TTC27: variants seen among roughly 807,000 people sequenced by gnomAD.
The protein encoded by TTC27 is tetratricopeptide repeat protein 27.
A neutral mutation model predicts 115.9 loss-of-function variants in TTC27; 79 were observed. That is an observed-to-expected ratio of 0.68 (90% CI 0.57 to 0.82). TTC27 has a LOEUF of 0.82. Among genes scored for constraint, TTC27 ranks in the 40% least tolerant of loss-of-function variants. The pLI is 0.00. For missense variants in TTC27, 1,054 were observed against 993.1 expected (o/e 1.06, Z -0.82); for synonymous variants, 401 against 356.0 (o/e 1.13, Z -1.42).
At chr2:32,642,040 A>G (rs1333137803) in intron 4 of TTC27, among the ~76,000 whole-genome samples, 1 of 151,770 alleles carries the variant, frequency 6.6e-6, no homozygotes, top group Admixed American at 6.6e-5. Context: ...TATTTTTAGT[A>G]GAGATGGGAT....
At chr2:32,643,900 C>T (rs990800998) in intron 4 of TTC27, among the ~76,000 whole-genome samples, 3 of 151,630 alleles carry the variant, frequency 2.0e-5, no homozygotes, top group Admixed American at 1.3e-4. Context: ...CCAGGCATCT[C>T]TGGGCATGGT....
chr2:32,784,008 A>C (rs1342007968), intron 15 of TTC27, among the ~76,000 whole-genome samples: 1 of 152,226 alleles, frequency 6.6e-6, no homozygotes, highest in East Asian at 1.9e-4. Context: ...TATCTGTTCT[A>C]CCATTCTCTT....
rs573285272 is a variant in TTC27 at position 32,665,824 on chromosome 2, G to A, written c.806-811G>A. Among the ~76,000 whole-genome samples the A allele has an allele frequency of 2.8e-4, 43 of 152,336 alleles. 1 individual carries two copies. In the South Asian group the frequency reaches 7.7e-3, roughly 27 times the overall value. On this transcript the variant is annotated intron_variant, in intron 6 of 19. Transcript: ENST00000317907. ...GAGATTTGCTTGAACCAGGGAGTCG[G>A]AGGTTGCAGTGAGCTGAGATCGCAC...
chr2:32,630,596 T>C lies in TTC27; in HGVS notation c.162T>C (p.Asn54=), dbSNP rs2151857181. 6.2e-7 allele frequency: 1 copy of C among 1,613,694 alleles called. No homozygotes were observed. Among genetic ancestry groups the C allele is most frequent in the South Asian group, 1.1e-5 (1 of 91,044 alleles). The change falls in exon 2 of 20, where the codon AAT becomes AAC. Residue 54 remains asparagine, a synonymous_variant. Transcript: ENST00000317907. ...EAIFLNSMTQ[N]IFNSTTTAEE... ...TATTCTTAAATTCAATGACTCAAAA[T>C]ATTTTTAATTCAACAACAACCGCTG...
At chr2:32,651,411 A>G (rs1665121353) in intron 5 of TTC27, among the ~76,000 whole-genome samples, 1 of 152,180 alleles carries the variant, frequency 6.6e-6, no homozygotes, top group Non-Finnish European at 1.5e-5. Flanking sequence ...CAATGGCGCA[A>G]TCTCGGCTCA....
At chr2:32,767,451 TTG>T (rs1553317296) in intron 13 of TTC27, among the ~76,000 whole-genome samples, 6 of 72,036 alleles carry the variant, frequency 8.3e-5, no homozygotes, top group African/African-American at 2.6e-4. Flanking sequence ...AAGTTTTTTT[TTG>T]TTTTTTTTTT....
chr2:32,697,601 G>A (rs1453720960), intron 9 of TTC27, among the ~76,000 whole-genome samples: 1 of 152,158 alleles, frequency 6.6e-6, no homozygotes, highest in Non-Finnish European at 1.5e-5. Flanking sequence ...CTTCATTACT[G>A]CAGAATTTTG....
intron 6 of TTC27, among the ~76,000 whole-genome samples, chr2:32,665,988 TAGAGCC>T (rs1665760431): frequency 6.6e-6 from 1 of 152,216 alleles, no homozygotes; most frequent in Non-Finnish European, 1.5e-5. Flanking sequence ...ATGTATGACT[TAGAGCC>T]AGACTCATAA....
intron 16 of TTC27, among the ~76,000 whole-genome samples, chr2:32,806,287 C>T (rs949060506): frequency 1.3e-5 from 2 of 152,050 alleles, no homozygotes; most frequent in African/African-American, 4.8e-5. Context: ...TTGTAGACTA[C>T]CCAAGAGGAA....
At chr2:32,672,416 C>T (rs750055907) in intron 8 of TTC27, 32 bp downstream of exon 8, 3 of 1,476,870 alleles carry the variant, frequency 2.0e-6, no homozygotes, top group Non-Finnish European at 2.8e-6. Context: ...CTGCTTTGAA[C>T]ACTTTGCATA....
At chr2:32,756,619 CT>C (rs1669241592) in intron 12 of TTC27, among the ~76,000 whole-genome samples, 1 of 152,190 alleles carries the variant, frequency 6.6e-6, no homozygotes. Flanking sequence ...AAAAATTAGA[CT>C]GCTTAAGGAG....
chr2:32,804,017 A>AG (rs1411499913), intron 16 of TTC27, among the ~76,000 whole-genome samples: 2 of 151,920 alleles, frequency 1.3e-5, no homozygotes, highest in African/African-American at 4.8e-5. Context: ...AATTAAAAAA[A>AG]AAAAAAAGAA....
intron 7 of TTC27, among the ~76,000 whole-genome samples, chr2:32,667,117 G>T (rs1241647166): frequency 6.6e-6 from 1 of 152,022 alleles, no homozygotes; most frequent in Non-Finnish European, 1.5e-5. Context: ...TTCTCTATCT[G>T]CTATCATATT....
intron 10 of TTC27, among the ~76,000 whole-genome samples, chr2:32,713,238 C>T (rs1030458397): frequency 6.6e-6 from 1 of 152,034 alleles, no homozygotes; most frequent in Non-Finnish European, 1.5e-5. Flanking sequence ...TCTATTACAG[C>T]AACACAAAGG....
chr2:32,760,893 G>A (rs1187286464), intron 13 of TTC27, among the ~76,000 whole-genome samples: 2 of 152,110 alleles, frequency 1.3e-5, no homozygotes, highest in African/African-American at 4.8e-5. Flanking sequence ...CTCCTTCTCA[G>A]GCTCCCTTGC....
chr2:32,722,580 C>G (rs1479921872), intron 10 of TTC27, among the ~76,000 whole-genome samples: 1 of 152,168 alleles, frequency 6.6e-6, no homozygotes, highest in Non-Finnish European at 1.5e-5. Flanking sequence ...GAGTTCACCC[C>G]AGGTCCACCT....
chr2:32,768,670 G>A (rs1424680965), intron 13 of TTC27, among the ~76,000 whole-genome samples: 1 of 152,166 alleles, frequency 6.6e-6, no homozygotes, highest in African/African-American at 2.4e-5. Flanking sequence ...GACAAAAGTG[G>A]TATTATGGGA....
At chr2:32,785,858 T>C (rs1353578882) in intron 15 of TTC27, among the ~76,000 whole-genome samples, 1 of 152,116 alleles carries the variant, frequency 6.6e-6, no homozygotes, top group Non-Finnish European at 1.5e-5. Context: ...CCTCCCAAAG[T>C]GCTGGGATTA....
chr2:32,732,023 TTTA>T (rs35516701), intron 10 of TTC27, among the ~76,000 whole-genome samples: 15,475 of 152,160 alleles, frequency 0.1, 866 homozygotes, highest in Middle Eastern at 0.2. Flanking sequence ...TGCTTTTGTT[TTTA>T]TTATTAATGG....
Sources: gnomAD v4.1 joint callset for allele counts (sites outside exome capture counted in the v4.1 genomes callset) on GRCh38, gnomAD v4.1.1 for gene constraint, MANE v1.5 for transcripts, NCBI Gene and HGNC (gene_info 2026-07-23, HGNC 2026-07-21) for gene names.